The following CDH18 variants were observed in gnomAD, a reference collection of about 807,000 sequenced individuals.
CDH18 encodes the protein cadherin 18, also known as cadherin-18.
In CDH18, 31 loss-of-function variants were observed where a neutral mutation model predicts 67.9. The observed-to-expected ratio is 0.46, with a 90% confidence interval of 0.34 to 0.62. CDH18 has a LOEUF of 0.62. Ranked by LOEUF, CDH18 falls within the 20% of genes least tolerant of loss-of-function variation. The probability of loss-of-function intolerance (pLI) is 0.01; values close to 1 mark genes in which losing one functional copy is unlikely to be tolerated. For missense variants in CDH18, 890 were observed against 975.5 expected (o/e 0.91, Z 1.17); for synonymous variants, 362 against 347.2 (o/e 1.04, Z -0.48).
At chr5:20,441,148 G>A (rs1219382347) in intron 1 of CDH18, among the ~76,000 whole-genome samples, 1 of 151,652 alleles carries the variant, frequency 6.6e-6, no homozygotes, top group Admixed American at 6.6e-5. Context: ...AAAGTTGTTT[G>A]TTTCTCTGTG....
At chr5:19,598,008 T>C (rs936415967) in intron 6 of CDH18, among the ~76,000 whole-genome samples, 7 of 152,206 alleles carry the variant, frequency 4.6e-5, no homozygotes, top group African/African-American at 1.7e-4. Context: ...TCTAACCTTA[T>C]ATTTTTCTAA....
intron 1 of CDH18, among the ~76,000 whole-genome samples, chr5:20,392,936 TG>T (rs1342307037): frequency 1.3e-5 from 2 of 151,824 alleles, no homozygotes. Flanking sequence ...TACTCACCAT[TG>T]GATATGAGTA....
rs544395951 is a variant in CDH18, at chr5:20,137,669, G to A, written c.-518+117775C>T. Among the ~76,000 whole-genome samples, 33 of 152,192 alleles carry A rather than the reference G, an allele frequency of 2.2e-4. No homozygotes were observed. The South Asian group carries it at 3.7e-3, about 17-fold the overall frequency. ...TCCTCTGGAGGAGAAGAGGCACTCT[G>A]ATTTTTGGAATTTTCAGCTTTTCTC... On this transcript the variant is annotated intron_variant, in intron 2 of 14. Coordinates refer to the CDH18 transcript ENST00000507958.
chr5:19,987,715 A>G (rs1333397010), intron 1 of CDH18, among the ~76,000 whole-genome samples: 1 of 152,160 alleles, frequency 6.6e-6, no homozygotes, highest in African/African-American at 2.4e-5. Flanking sequence ...TTTTACAGAT[A>G]GACATAAATG....
chr5:20,094,849 A>T (rs1026891326), intron 2 of CDH18, among the ~76,000 whole-genome samples: 4 of 152,188 alleles, frequency 2.6e-5, no homozygotes, highest in Non-Finnish European at 5.9e-5. Context: ...ATAAAGACAC[A>T]CGCACACATA....
At chr5:20,481,665 C>T (rs529130031) in intron 1 of CDH18, among the ~76,000 whole-genome samples, 2 of 151,896 alleles carry the variant, frequency 1.3e-5, no homozygotes, top group South Asian at 4.2e-4. Flanking sequence ...GGAAGCTAAA[C>T]AAACATATGG....
intron 1 of CDH18, among the ~76,000 whole-genome samples, chr5:20,416,464 A>C (rs1747318400): frequency 6.6e-6 from 1 of 152,152 alleles, no homozygotes; most frequent in East Asian, 1.9e-4. Flanking sequence ...GAAAAAAGTA[A>C]GTTTAAGGGA....
intron 2 of CDH18, among the ~76,000 whole-genome samples, chr5:20,216,727 GCAA>G (rs1446614293): frequency 6.6e-6 from 1 of 151,858 alleles, no homozygotes; most frequent in East Asian, 1.9e-4. Context: ...AGAGAAAACA[GCAA>G]CATCAGCAGC....
intron 1 of CDH18, among the ~76,000 whole-genome samples, chr5:20,487,829 C>T (rs1008018376): frequency 6.6e-6 from 1 of 151,930 alleles, no homozygotes; most frequent in Non-Finnish European, 1.5e-5. Context: ...TAAATCACAT[C>T]TCCATGACAA....
intron 2 of CDH18, among the ~76,000 whole-genome samples, chr5:19,978,224 C>A (rs574874362): frequency 1.2e-4 from 19 of 152,024 alleles, no homozygotes; most frequent in African/African-American, 4.6e-4. Flanking sequence ...GAGATAAGAA[C>A]GTATTCATTA....
chr5:19,777,941 A>G (rs1488697132), intron 3 of CDH18, among the ~76,000 whole-genome samples: 1 of 152,208 alleles, frequency 6.6e-6, no homozygotes, highest in Non-Finnish European at 1.5e-5. Flanking sequence ...TAAAAAGGCA[A>G]TAAGAGAATA....
intron 2 of CDH18, among the ~76,000 whole-genome samples, chr5:20,216,442 TC>T (rs1373188740): frequency 6.6e-6 from 1 of 151,938 alleles, no homozygotes; most frequent in Non-Finnish European, 1.5e-5. Context: ...TGGGAACCTG[TC>T]TAAAAATTAA....
chr5:19,796,395 C>A (rs1172765798), intron 3 of CDH18, among the ~76,000 whole-genome samples: 1 of 152,048 alleles, frequency 6.6e-6, no homozygotes, highest in Admixed American at 6.6e-5. Flanking sequence ...GCATGTAACA[C>A]CATTGAGACT....
intron 5 of CDH18, among the ~76,000 whole-genome samples, chr5:19,666,237 TTTATTATTATTATTATTA>T (rs70950082): frequency 2.0e-4 from 25 of 128,152 alleles, no homozygotes; most frequent in African/African-American, 3.1e-4. Context: ...CTGTATGATT[TTTATTATTATTATTATTA>T]TTATTATTAT....
intron 2 of CDH18, among the ~76,000 whole-genome samples, chr5:19,972,579 A>ATTT: frequency 6.6e-6 from 1 of 151,192 alleles, no homozygotes; most frequent in South Asian, 2.1e-4. Context: ...AAAATATAGC[A>ATTT]GGGGAATAAT....
intron 2 of CDH18, among the ~76,000 whole-genome samples, chr5:19,937,880 A>C (rs962649389): frequency 1.3e-5 from 2 of 150,820 alleles, no homozygotes; most frequent in Admixed American, 1.3e-4. Flanking sequence ...AACATTGAGA[A>C]AGGAAATTTT....
chr5:20,428,991 A>G (rs1748535705), intron 1 of CDH18, among the ~76,000 whole-genome samples: 1 of 152,116 alleles, frequency 6.6e-6, no homozygotes, highest in Non-Finnish European at 1.5e-5. Context: ...ATCATTTCCC[A>G]AGGGAGAATG....
rs35024141 is a variant in CDH18 at position 20,295,872 on chromosome 5, C to CTTTTTTTTTTTTTT, written c.-579-40381_-579-40368dup. Among the ~76,000 whole-genome samples the CTTTTTTTTTTTTTT allele has an allele frequency of 2.4e-4, 26 of 109,976 alleles. 1 individual carries two copies. Among genetic ancestry groups the CTTTTTTTTTTTTTT allele is most frequent in the Non-Finnish European group, 2.5e-4 (14 of 55,216 alleles). 72.1% of individuals were successfully genotyped at this position (109,976 alleles called of 152,430 possible). On this transcript the variant is annotated intron_variant, in intron 1 of 14. Coordinates refer to the CDH18 transcript ENST00000507958. ...TTATTTTATTTTCTTTCTTTTTTTT[C>CTTTTTTTTTTTTTT]TTTTTTTTTTTTTTTTGAGACGGAG...
intron 1 of CDH18, among the ~76,000 whole-genome samples, chr5:20,538,953 A>G (rs1238170742): frequency 7.9e-6 from 1 of 126,624 alleles, no homozygotes; most frequent in Non-Finnish European, 1.6e-5. Flanking sequence ...CAGTGTCACG[A>G]TCTCAGCTCA....
Sources: gnomAD v4.1 joint callset for allele counts (sites outside exome capture counted in the v4.1 genomes callset) on GRCh38, gnomAD v4.1.1 for gene constraint, MANE v1.5 for transcripts, NCBI Gene and HGNC (gene_info 2026-07-23, HGNC 2026-07-21) for gene names.